DISC1: variants seen among roughly 807,000 people sequenced by gnomAD.
The protein encoded by DISC1 is disrupted in schizophrenia 1 protein.
In DISC1, 57 loss-of-function variants were observed where a neutral mutation model predicts 84.5. The ratio of observed to expected loss-of-function variants is 0.67; its 90% confidence interval spans 0.55 to 0.84. The LOEUF (loss-of-function observed/expected upper bound fraction) is 0.84, where lower values mean the gene tolerates loss of function less well. DISC1 is among the 40% of genes least tolerant of loss of function. The probability of loss-of-function intolerance (pLI) is 0.00; values close to 1 mark genes in which losing one functional copy is unlikely to be tolerated. For missense variants in DISC1, 1,000 were observed against 1,057.8 expected, an observed-to-expected ratio of 0.95 and a Z score of 0.76; for synonymous variants, 411 against 415.2, an observed-to-expected ratio of 0.99 and a Z score of 0.12.
chr1:232,012,671 T>C (rs1326814755), intron 11 of DISC1, among the ~76,000 whole-genome samples: 1 of 152,178 alleles, frequency 6.6e-6, no homozygotes, highest in Non-Finnish European at 1.5e-5. Context: ...CACAGGAAGA[T>C]GAGTTTTCAA....
intron 9 of DISC1, among the ~76,000 whole-genome samples, chr1:231,872,158 TA>T (rs2085510755): frequency 6.6e-6 from 1 of 152,230 alleles, no homozygotes; most frequent in Non-Finnish European, 1.5e-5. Context: ...TCAATACCTA[TA>T]TCTCAAAAAT....
chr1:231,763,928 A>C (rs2075973541), intron 4 of DISC1, among the ~76,000 whole-genome samples: 1 of 152,226 alleles, frequency 6.6e-6, no homozygotes, highest in Admixed American at 6.5e-5. Flanking sequence ...GGGTAGGAGT[A>C]AAAGGAGACA....
chr1:231,989,229 A>T (rs1252369960), intron 10 of DISC1, among the ~76,000 whole-genome samples: 1 of 152,202 alleles, frequency 6.6e-6, no homozygotes, highest in Non-Finnish European at 1.5e-5. Flanking sequence ...AGGCTCATAA[A>T]CAGATGAGAT....
intron 9 of DISC1, among the ~76,000 whole-genome samples, chr1:231,927,873 A>G (rs2090439911): frequency 6.6e-6 from 1 of 152,112 alleles, no homozygotes; most frequent in Admixed American, 6.5e-5. Context: ...ACCCCTTGCC[A>G]TTGTCTCACC....
At chr1:231,806,417 T>C (rs2079715672) in intron 8 of DISC1, among the ~76,000 whole-genome samples, 2 of 152,226 alleles carry the variant, frequency 1.3e-5, no homozygotes, top group South Asian at 4.1e-4. Context: ...TTCGTTTTTT[T>C]GTTTGGTTTT....
Position 231,698,854 on chromosome 1 carries a change from TATAGAAC to T in DISC1, c.1048-3099_1048-3093del, listed in dbSNP as rs1329419751. Reference sequence around the variant, plus strand: ...TTACTGGTAAACTTTGCAGTTGTAATATAGAACAATTCAAAGACAAAGGGGTTAATAT... The same window carrying T: ...TTACTGGTAAACTTTGCAGTTGTAATAATTCAAAGACAAAGGGGTTAATAT... On this transcript the variant is annotated intron_variant, in intron 2 of 12. Transcript: ENST00000439617. This position sits in a 1 kb window ranked among gnomAD's most constrained non-coding sequence, Gnocchi z 4.9. Among the ~76,000 whole-genome samples, 2 of 152,196 alleles carry T rather than the reference TATAGAAC, an allele frequency of 1.3e-5. No individual in the cohort carries two copies. Among genetic ancestry groups the T allele is most frequent in the Non-Finnish European group, 2.9e-5 (2 of 68,026 alleles).
At chr1:231,818,545 A>G in intron 9 of DISC1, 28 bp downstream of exon 9, 1 of 1,613,590 alleles carries the variant, frequency 6.2e-7, no homozygotes, top group Non-Finnish European at 8.5e-7. Flanking sequence ...GTTCCCCGGC[A>G]AGATATTGAT....
chr1:231,741,502 A>T (rs2073267639), intron 3 of DISC1, among the ~76,000 whole-genome samples: 1 of 152,234 alleles, frequency 6.6e-6, no homozygotes, highest in South Asian at 2.1e-4. Context: ...GCAGCATCCC[A>T]GGTGCAGGTC....
At chr1:231,857,320 G>C (rs964027191) in intron 9 of DISC1, among the ~76,000 whole-genome samples, 1 of 152,170 alleles carries the variant, frequency 6.6e-6, no homozygotes, top group Non-Finnish European at 1.5e-5. Context: ...CACACATTTC[G>C]AAGTCATGTG....
At chr1:231,684,804 G>T (rs1450931424) in intron 1 of DISC1, 5 of 152,158 alleles carry the variant, frequency 3.3e-5, no homozygotes, top group Admixed American at 3.3e-4. Context: ...TAGCGTTTGT[G>T]GGAATGCCAC....
At chr1:231,701,890 T>C (rs1038540213) in intron 2 of DISC1, 65 bp from the exon 3 acceptor site, 20 of 1,389,946 alleles carry the variant, frequency 1.4e-5, no homozygotes, top group Non-Finnish European at 3.0e-6. Context: ...GTTCTTAGTT[T>C]TCACAAAAAT....
chr1:231,733,699 A>G (rs1573364658), intron 3 of DISC1, among the ~76,000 whole-genome samples: 2 of 131,220 alleles, frequency 1.5e-5, no homozygotes, highest in South Asian at 5.1e-4. Flanking sequence ...AGTGGTGGTG[A>G]TGGTAGGAAT....
At chr1:231,709,562 A>G (rs1046037693) in intron 3 of DISC1, among the ~76,000 whole-genome samples, 2 of 152,076 alleles carry the variant, frequency 1.3e-5, no homozygotes, top group African/African-American at 2.4e-5. Context: ...TGAGGACATC[A>G]GTCTGTCCTA....
intron 6 of DISC1, among the ~76,000 whole-genome samples, chr1:231,788,772 C>T (rs950658945): frequency 6.6e-6 from 1 of 152,196 alleles, no homozygotes; most frequent in African/African-American, 2.4e-5. Flanking sequence ...AGAGCAGCTG[C>T]AGCCTTTAAT....
intron 4 of DISC1, among the ~76,000 whole-genome samples, chr1:231,754,101 G>A (rs749462033): frequency 6.6e-6 from 1 of 151,776 alleles, no homozygotes; most frequent in African/African-American, 2.4e-5. Flanking sequence ...CCTCATCTTC[G>A]TGTCTTCTTC....
intron 8 of DISC1, among the ~76,000 whole-genome samples, chr1:231,806,236 G>C (rs2079697271): frequency 6.6e-6 from 1 of 152,156 alleles, no homozygotes; most frequent in Non-Finnish European, 1.5e-5. Flanking sequence ...CCAGCCAGTG[G>C]GTGACTCTCT....
intron 3 of DISC1, among the ~76,000 whole-genome samples, chr1:231,703,706 G>C (rs2066689011): frequency 6.6e-6 from 1 of 152,154 alleles, no homozygotes; most frequent in African/African-American, 2.4e-5. Context: ...CAACACCTAA[G>C]GGAATGGGGT....
intron 9 of DISC1, among the ~76,000 whole-genome samples, chr1:231,908,738 T>G (rs1172287461): frequency 6.6e-6 from 1 of 152,218 alleles, no homozygotes; most frequent in Non-Finnish European, 1.5e-5. Context: ...CGGATGGCAT[T>G]GAATCTATAA....
chr1:231,720,037 C>G (rs201309262), intron 3 of DISC1, among the ~76,000 whole-genome samples: 2 of 152,284 alleles, frequency 1.3e-5, no homozygotes, highest in East Asian at 3.9e-4. Flanking sequence ...TGATAGAACA[C>G]TAACCCGACA....
Sources: allele counts gnomAD v4.1 joint callset (sites outside exome capture counted in the v4.1 genomes callset), GRCh38; gene constraint gnomAD v4.1.1; non-coding constraint Gnocchi (gnomAD v3.1); transcripts MANE v1.5; gene names NCBI Gene and HGNC (gene_info 2026-07-23, HGNC 2026-07-21).